The following ZNF407 variants were observed in gnomAD, a reference collection of about 807,000 sequenced individuals.
ZNF407 encodes the protein zinc finger protein 407.
In ZNF407, 17 loss-of-function variants were observed where a neutral mutation model predicts 131.2. The ratio of observed to expected loss-of-function variants is 0.13; its 90% confidence interval spans 0.09 to 0.19. The LOEUF (loss-of-function observed/expected upper bound fraction) is 0.19, where lower values mean the gene tolerates loss of function less well. Ranked by LOEUF, ZNF407 falls within the 10% of genes least tolerant of loss-of-function variation. The pLI is 1.00. For synonymous variants in ZNF407, 1,156 were observed against 1,062.0 expected (o/e 1.09, Z -1.72); for missense variants, 2,681 against 2,830.6 (o/e 0.95, Z 1.20).
At chr18:74,763,705 A>ATTTTTTTTTTTTTTTT (rs11340257) in intron 3 of ZNF407, among the ~76,000 whole-genome samples, 17 of 70,212 alleles carry the variant, frequency 2.4e-4, no homozygotes, top group African/African-American at 8.9e-4. Flanking sequence ...CTTATCTTTG[A>ATTTTTTTTTTTTTTTT]TTTTTTTTTT....
chr18:74,771,410 G>A lies in ZNF407; in HGVS notation c.4803-10018G>A, dbSNP rs532776130. On this transcript the variant is annotated intron_variant, in intron 3 of 8. Transcript: ENST00000299687. ...TGTTTATTTAACATGCTCATTAATAGGTAAGAGAAGTAGGTGAGAAAAATT... is the reference window on the plus strand; with the variant it reads ...TGTTTATTTAACATGCTCATTAATAAGTAAGAGAAGTAGGTGAGAAAAATT... Among the ~76,000 whole-genome samples, 170 of 152,030 alleles carry A rather than the reference G, an allele frequency of 1.1e-3. 1 individual carries two copies. The highest frequency in any genetic ancestry group is 3.8e-3 in the African/African-American group (159 of 41,492).
At chr18:75,046,095 T>TA (rs1312647110) in intron 8 of ZNF407, among the ~76,000 whole-genome samples, 1 of 152,254 alleles carries the variant, frequency 6.6e-6, no homozygotes, top group Non-Finnish European at 1.5e-5. Context: ...ATGGTAACTG[T>TA]AAATTCATTT....
chr18:74,666,746 T>C (rs1412232953), intron 3 of ZNF407, among the ~76,000 whole-genome samples: 3 of 152,196 alleles, frequency 2.0e-5, no homozygotes, highest in Non-Finnish European at 2.9e-5. Flanking sequence ...AGGTCAGAAG[T>C]CTCGGCATTG....
At chr18:74,997,754 G>A (rs1006398861) in intron 8 of ZNF407, among the ~76,000 whole-genome samples, 2 of 152,084 alleles carry the variant, frequency 1.3e-5, no homozygotes, top group African/African-American at 4.8e-5. Flanking sequence ...GTGAAAAGTG[G>A]ATTCAACCTG....
intron 3 of ZNF407, among the ~76,000 whole-genome samples, chr18:74,752,477 A>G (rs1968829794): frequency 6.6e-6 from 1 of 152,180 alleles, no homozygotes; most frequent in Non-Finnish European, 1.5e-5. Flanking sequence ...GGTAGTGCCT[A>G]GGTTTTCTTC....
At chr18:74,642,709 A>G (rs1984780749) in intron 3 of ZNF407, among the ~76,000 whole-genome samples, 1 of 152,100 alleles carries the variant, frequency 6.6e-6, no homozygotes, top group Non-Finnish European at 1.5e-5. Flanking sequence ...GAAATACTGT[A>G]TGAGTAGTTC....
intron 8 of ZNF407, among the ~76,000 whole-genome samples, chr18:74,958,421 C>T (rs892266944): frequency 2.0e-5 from 3 of 152,034 alleles, no homozygotes; most frequent in African/African-American, 4.8e-5. Context: ...GTGGGCCTGT[C>T]GAGGAGGGAG....
chr18:74,657,168 G>T (rs1474764777), intron 3 of ZNF407, among the ~76,000 whole-genome samples: 1 of 150,586 alleles, frequency 6.6e-6, no homozygotes, highest in East Asian at 1.9e-4. Flanking sequence ...TGTATCTACA[G>T]TGGAAGGCAC....
chr18:74,705,162 A>G (rs371382416), intron 3 of ZNF407, among the ~76,000 whole-genome samples: 5 of 83,160 alleles, frequency 6.0e-5, no homozygotes, highest in Admixed American at 4.9e-4. Context: ...TTTTTTTTTT[A>G]AACCAGAAAG....
chr18:74,853,020 A>G (rs1314374898), intron 4 of ZNF407, among the ~76,000 whole-genome samples: 1 of 152,226 alleles, frequency 6.6e-6, no homozygotes, highest in African/African-American at 2.4e-5. Flanking sequence ...TTAAGGAACA[A>G]GAAACTGTGG....
intron 4 of ZNF407, among the ~76,000 whole-genome samples, chr18:74,850,593 C>A (rs960915): frequency 0.028 from 4,260 of 152,094 alleles, 210 homozygotes; most frequent in African/African-American, 0.098. Context: ...TTTGACCAAC[C>A]CTAAAACTTG....
intron 4 of ZNF407, among the ~76,000 whole-genome samples, chr18:74,824,366 G>A (rs1772058084): frequency 6.6e-6 from 1 of 152,086 alleles, no homozygotes; most frequent in Non-Finnish European, 1.5e-5. Context: ...TAAAATCAGA[G>A]CCAAATTGAA....
At chr18:74,670,315 A>G (rs898031721) in intron 3 of ZNF407, among the ~76,000 whole-genome samples, 2 of 152,356 alleles carry the variant, frequency 1.3e-5, no homozygotes, top group African/African-American at 4.8e-5. Flanking sequence ...TTTTCTTAAA[A>G]AATTGGTGGA....
In ZNF407 at chr18:74,635,123, T is replaced by C. The variant is rs1984390658; in HGVS notation, c.4104T>C (p.Asp1368=). The change falls in exon 2 of 9, where the codon GAT becomes GAC. Residue 1368 remains aspartate, a synonymous_variant. Transcript: ENST00000299687. The surrounding 1 kb of genome is among the most constrained non-coding windows in gnomAD (Gnocchi z 4.7). ...TAATAAGAATAAAGAACCCTGAAGA[T>C]GGTGAGTTGATAGACCAGTCTGAAG... is the stretch of plus-strand genomic sequence containing the variant. ...SSIIRIKNPE[D]GELIDQSEEG... is the part of the protein sequence containing the mutation. The C allele has an allele frequency of 3.1e-6, 5 of 1,613,962 alleles. No individual in the cohort carries two copies. In the East Asian group the frequency reaches 1.1e-4, roughly 36 times the overall value.
intron 2 of ZNF407, among the ~76,000 whole-genome samples, chr18:74,638,889 A>G (rs1291594924): frequency 6.6e-6 from 1 of 152,222 alleles, no homozygotes; most frequent in Non-Finnish European, 1.5e-5. Context: ...AAATGTTATT[A>G]GTTAGGAAAC....
At chr18:74,818,854 C>G (rs1232594963) in intron 4 of ZNF407, among the ~76,000 whole-genome samples, 1 of 96,944 alleles carries the variant, frequency 1.0e-5, no homozygotes, top group Non-Finnish European at 2.2e-5. Flanking sequence ...GGTTTTAAGG[C>G]CATTGAACAG....
At chr18:74,657,893 C>A (rs1235353775) in intron 3 of ZNF407, among the ~76,000 whole-genome samples, 1 of 137,950 alleles carries the variant, frequency 7.2e-6, no homozygotes. Context: ...CTCTACTTCT[C>A]CTTTTCCTTT....
chr18:74,910,770 G>A (rs920892850), intron 7 of ZNF407, among the ~76,000 whole-genome samples: 13 of 152,114 alleles, frequency 8.5e-5, no homozygotes, highest in African/African-American at 3.1e-4. Context: ...TGCTTCACTT[G>A]CATTTGTCTT....
chr18:74,835,625 G>GA (rs1970544797), intron 4 of ZNF407, among the ~76,000 whole-genome samples: 4 of 49,562 alleles, frequency 8.1e-5, no homozygotes, highest in African/African-American at 3.4e-4. Context: ...CTTGGACAGA[G>GA]GGGGGTGTGT....
Sources: gnomAD v4.1 joint callset for allele counts (sites outside exome capture counted in the v4.1 genomes callset) on GRCh38, gnomAD v4.1.1 for gene constraint, Gnocchi (gnomAD v3.1) non-coding constraint, MANE v1.5 for transcripts, NCBI Gene and HGNC (gene_info 2026-07-23, HGNC 2026-07-21) for gene names.